CSNK1G2: variants seen among roughly 807,000 people sequenced by gnomAD.
CSNK1G2 encodes the protein casein kinase 1 gamma 2, also known as casein kinase I isoform gamma-2.
CSNK1G2 carries 11 observed loss-of-function variants against 48.0 expected under a neutral mutation model. That is an observed-to-expected ratio of 0.23 (90% CI 0.14 to 0.38). The LOEUF is 0.38. Ranked by LOEUF, CSNK1G2 falls within the 10% of genes least tolerant of loss-of-function variation. CSNK1G2 has a pLI of 1.00. For synonymous variants in CSNK1G2, 337 were observed against 254.1 expected (o/e 1.33, Z -3.10); for missense variants, 446 against 595.5 (o/e 0.75, Z 2.61).
Position 1,980,214 on chromosome 19 carries a change from G to A in CSNK1G2, c.*11G>A, listed in dbSNP as rs372453237. On this transcript the variant is annotated 3_prime_UTR_variant, in exon 12 of 12. Transcript: ENST00000255641. The stretch of plus-strand genomic sequence containing the variant: ...CAGCGACACAAGTGACCCTGGGCGC[G>A]TGCAGCCCCCTGAATCTTCTCCGTG... The A allele has an allele frequency of 1.4e-5, 22 of 1,612,572 alleles. No homozygotes were observed. The highest frequency in any genetic ancestry group is 1.6e-4 in the Middle Eastern group (1 of 6,082).
intron 1 of CSNK1G2, chr19:1,968,763 C>G (rs1038806731): frequency 6.6e-6 from 1 of 152,592 alleles, no homozygotes; most frequent in Non-Finnish European, 1.5e-5. Flanking sequence ...CTCCGCTGGT[C>G]CCTCAAGCCC....
At chr19:1,979,887 G>A (rs758596071) in intron 10 of CSNK1G2, 24 bp from the exon 11 acceptor site, 11 of 1,606,090 alleles carry the variant, frequency 6.8e-6, no homozygotes, top group Admixed American at 3.4e-5. Context: ...GGCGGCCAGC[G>A]TGACCCCCTA....
intron 1 of CSNK1G2, among the ~76,000 whole-genome samples, chr19:1,951,579 AG>A (rs2014764339): frequency 6.9e-6 from 1 of 145,400 alleles, no homozygotes; most frequent in Non-Finnish European, 1.5e-5. Context: ...TGGGGGGTGC[AG>A]CCTCCCGATG....
At chr19:1,958,901 G>A (rs1446611839) in intron 1 of CSNK1G2, among the ~76,000 whole-genome samples, 2 of 3,930 alleles carry the variant, frequency 5.1e-4, no homozygotes, top group South Asian at 0.011. Flanking sequence ...CCCTCCCCCC[G>A]TCCCCCCCAC....
At chr19:1,954,048 C>T (rs2014889039) in intron 1 of CSNK1G2, 2 of 524,118 alleles carry the variant, frequency 3.8e-6, no homozygotes, top group South Asian at 1.4e-5. Context: ...CTGGCGTTCA[C>T]TCCTCAGCTT....
intron 1 of CSNK1G2, among the ~76,000 whole-genome samples, chr19:1,943,752 C>T (rs2014453046): frequency 6.6e-6 from 1 of 152,222 alleles, no homozygotes; most frequent in Non-Finnish European, 1.5e-5. Flanking sequence ...GCCGGAGTTG[C>T]TTGCCCTGGG....
At chr19:1,950,133 T>C (rs1007800040) in intron 1 of CSNK1G2, among the ~76,000 whole-genome samples, 8 of 150,650 alleles carry the variant, frequency 5.3e-5, no homozygotes, top group African/African-American at 1.9e-4. Context: ...TATTTATTTA[T>C]ATATTTATTT....
rs574714275 is a variant in CSNK1G2, at chr19:1,976,174, T to A, written c.188-2131T>A. On this transcript the variant is annotated intron_variant, in intron 2 of 11. Transcript: ENST00000255641. ...TGTTTGGGGCACGGCTCCTGTTGTT[T>A]TACGAGGAGAATTTCCTAATAACGT... is the stretch of plus-strand genomic sequence containing the variant. 46 of 1,116,946 alleles carry A rather than the reference T, an allele frequency of 4.1e-5. No individual in the cohort carries two copies. The East Asian group carries it at 2.4e-3, about 58-fold the overall frequency. The allele number at this position is 1,116,946 out of a possible 1,614,324, so 69.2% of individuals were successfully genotyped here.
chr19:1,943,489 C>G (rs1391600220), intron 1 of CSNK1G2, among the ~76,000 whole-genome samples: 1 of 152,146 alleles, frequency 6.6e-6, no homozygotes, highest in Non-Finnish European at 1.5e-5. Context: ...CTCTGGGCTA[C>G]AAAGGAAGTA....
chr19:1,942,169 T>G (rs2014391932), intron 1 of CSNK1G2, among the ~76,000 whole-genome samples: 1 of 152,120 alleles, frequency 6.6e-6, no homozygotes, highest in Non-Finnish European at 1.5e-5. Context: ...GCCACCGGCT[T>G]TGTTTTCCGG....
intron 1 of CSNK1G2, among the ~76,000 whole-genome samples, chr19:1,962,076 T>G (rs2015216597): frequency 6.6e-6 from 1 of 152,160 alleles, no homozygotes. Context: ...ACGCCTGTAA[T>G]CCCAACACTT....
At chr19:1,953,019 A>G in intron 1 of CSNK1G2, 1 of 408,878 alleles carries the variant, frequency 2.4e-6, no homozygotes, top group Admixed American at 4.1e-5. Flanking sequence ...CGTCTGAAAA[A>G]AAAAACAAAG....
intron 1 of CSNK1G2, among the ~76,000 whole-genome samples, chr19:1,944,538 A>G (rs530174974): frequency 6.6e-6 from 1 of 152,266 alleles, no homozygotes; most frequent in East Asian, 1.9e-4. Context: ...GAGCAGTGAC[A>G]GCGAGGGGTG....
At chr19:1,979,294 C>T (rs1175103351) in intron 7 of CSNK1G2, 25 bp from the exon 8 acceptor site, 2 of 1,583,594 alleles carry the variant, frequency 1.3e-6, no homozygotes, top group Non-Finnish European at 1.7e-6. Context: ...AGGGCGGGAG[C>T]AAGGCTGACC....
At chr19:1,980,085 C>T in intron 11 of CSNK1G2, 64 bp from the exon 12 acceptor site, 5 of 1,603,736 alleles carry the variant, frequency 3.1e-6, no homozygotes, top group Non-Finnish European at 4.3e-6. Flanking sequence ...GTGGGAGGGC[C>T]TGAGGCCTGG....
chr19:1,951,870 C>T (rs1245989120), intron 1 of CSNK1G2, among the ~76,000 whole-genome samples: 4 of 152,076 alleles, frequency 2.6e-5, no homozygotes, highest in Non-Finnish European at 1.5e-5. Context: ...TTAGTAGAGA[C>T]GGGGTTTCAC....
In CSNK1G2 at chr19:1,964,579, C is replaced by G. The variant is rs1033258898; in HGVS notation, c.-265-4929C>G. 2.2e-4 allele frequency among the ~76,000 whole-genome samples: 33 copies of G among 152,092 alleles called. 1 individual carries two copies. On this transcript the variant is annotated intron_variant, in intron 1 of 11. Coordinates refer to ENST00000255641, the MANE Select transcript of CSNK1G2 (RefSeq NM_001319.7). ...AGGGCTTTTTACCATTCCACAAATC[C>G]TAGGGCCCACGAGAATTATGCTAAA... is the stretch of plus-strand genomic sequence containing the variant.
At chr19:1,973,893 T>C (rs1365872142) in intron 2 of CSNK1G2, among the ~76,000 whole-genome samples, 10 of 152,060 alleles carry the variant, frequency 6.6e-5, no homozygotes, top group Non-Finnish European at 1.3e-4. Flanking sequence ...TTATTTATTA[T>C]TTATTATTTT....
chr19:1,972,056 A>G lies in CSNK1G2; in HGVS notation c.187+2097A>G, dbSNP rs1472021291. Among the ~76,000 whole-genome samples, 4 of 152,348 alleles carry G rather than the reference A, an allele frequency of 2.6e-5. No individual in the cohort carries two copies. In the East Asian group the frequency reaches 7.7e-4, roughly 29 times the overall value. Reference sequence around the variant, plus strand: ...AGTGCTGGGATTACAGGCGTGAGCCACTGCGCCCGGCCTGGTGACGCCAGC... The same window carrying G: ...AGTGCTGGGATTACAGGCGTGAGCCGCTGCGCCCGGCCTGGTGACGCCAGC... On this transcript the variant is annotated intron_variant, in intron 2 of 11. Coordinates refer to ENST00000255641, the MANE Select transcript of CSNK1G2 (RefSeq NM_001319.7).
Sources: allele counts gnomAD v4.1 joint callset (sites outside exome capture counted in the v4.1 genomes callset), GRCh38; gene constraint gnomAD v4.1.1; transcripts MANE v1.5; gene names NCBI Gene and HGNC (gene_info 2026-07-23, HGNC 2026-07-21).